RTN4: variants seen among roughly 807,000 people sequenced by gnomAD.
The protein encoded by RTN4 is reticulon 4, also known as reticulon-4.
In RTN4, 32 loss-of-function variants were observed where a neutral mutation model predicts 90.4. The observed-to-expected ratio is 0.35, with a 90% CI of 0.27 to 0.48. The LOEUF (loss-of-function observed/expected upper bound fraction) is 0.48. Ranked by LOEUF, RTN4 falls within the 20% of genes least tolerant of loss-of-function variation. The pLI, the probability that RTN4 is intolerant of heterozygous loss-of-function variation, is 0.99. For synonymous variants in RTN4, 629 were observed against 552.5 expected (o/e 1.14, Z -1.94); for missense variants, 1,706 against 1,430.2 (o/e 1.19, Z -3.11).
At chr2:55,003,575 T>C (rs1435325255) in intron 3 of RTN4, among the ~76,000 whole-genome samples, 1 of 152,096 alleles carries the variant, frequency 6.6e-6, no homozygotes, top group Non-Finnish European at 1.5e-5. Context: ...CAAAGAAAAG[T>C]ATTGCCTAAA....
At chr2:54,991,655 G>A (rs10496036) in intron 3 of RTN4, among the ~76,000 whole-genome samples, 41,554 of 152,138 alleles carry the variant, frequency 0.27, 6,077 homozygotes, top group Non-Finnish European at 0.33. Context: ...AACCGATGAA[G>A]TTTTACTACT....
intron 1 of RTN4, among the ~76,000 whole-genome samples, chr2:55,086,403 G>A (rs991820051): frequency 6.6e-6 from 1 of 151,978 alleles, no homozygotes; most frequent in African/African-American, 2.4e-5. Flanking sequence ...GCTCGCACCT[G>A]TAATCCCAGA....
intron 3 of RTN4, among the ~76,000 whole-genome samples, chr2:55,006,680 G>A (rs932684314): frequency 5.9e-5 from 9 of 152,090 alleles, no homozygotes; most frequent in Non-Finnish European, 8.8e-5. Flanking sequence ...AAAGAGTACT[G>A]TAACAATAAA....
chr2:55,116,169 TCCTCCCGCCTGG>T (rs554724600), upstream of RTN4, among the ~76,000 whole-genome samples: 65 of 139,674 alleles, frequency 4.7e-4, no homozygotes, highest in Admixed American at 4.5e-3. Flanking sequence ...CCTCAAGCTA[TCCTCCCGCCTGG>T]CCTCCCAAAG....
intron 5 of RTN4, among the ~76,000 whole-genome samples, chr2:54,978,944 T>C (rs1353550576): frequency 6.6e-6 from 1 of 152,196 alleles, no homozygotes; most frequent in African/African-American, 2.4e-5. Context: ...AAACATTTTT[T>C]GCTTGCTTTA....
At position 55,026,141 on chromosome 2, in the gene RTN4, G is replaced by C; in HGVS notation, c.1958C>G (p.Pro653Arg). ...SVNYESIKHE[P>R]ENPPPYEEAM... The stretch of plus-strand genomic sequence containing the variant: ...CTCTTCATATGGTGGGGGGTTTTCA[G>C]GCTCATGTTTTATGCTTTCATAATT... The change falls in exon 3 of 9, where the codon CCT becomes CGT. Residue 653 changes from proline to arginine, a missense_variant. Physicochemically the swap from Pro to Arg is moderately radical, Grantham distance 103. Transcript: ENST00000337526. 6.2e-7 allele frequency: 1 copy of C among 1,613,370 alleles called. No individual in the cohort carries two copies. Among genetic ancestry groups the C allele is most frequent in the South Asian group, 1.1e-5 (1 of 91,056 alleles).
the RTN4 span, among the ~76,000 whole-genome samples, chr2:55,118,311 A>G: frequency 6.6e-6 from 1 of 152,166 alleles, no homozygotes; most frequent in East Asian, 1.9e-4. Flanking sequence ...CAAATATTTT[A>G]AAAATTAGCC....
chr2:55,110,029 C>A (rs1668008305), intron 1 of RTN4, among the ~76,000 whole-genome samples: 1 of 152,148 alleles, frequency 6.6e-6, no homozygotes, highest in African/African-American at 2.4e-5. Context: ...AATCTCAGGG[C>A]TGGGCGTGGT....
At chr2:55,125,108 TA>T in the RTN4 span, among the ~76,000 whole-genome samples, 2 of 152,024 alleles carry the variant, frequency 1.3e-5, no homozygotes, top group African/African-American at 4.8e-5. Context: ...AAAATTCAAC[TA>T]AAGATGAATT....
intron 3 of RTN4, among the ~76,000 whole-genome samples, chr2:54,990,105 T>C (rs1678884820): frequency 6.6e-6 from 1 of 152,232 alleles, no homozygotes; most frequent in Non-Finnish European, 1.5e-5. Context: ...GGAAAGTCAC[T>C]AAAGTCCTCT....
At chr2:55,022,930 C>CA (rs1036253097) in intron 3 of RTN4, among the ~76,000 whole-genome samples, 51 of 150,312 alleles carry the variant, frequency 3.4e-4, no homozygotes, top group African/African-American at 1.0e-3. Context: ...CACACACACA[C>CA]CCTGCTCTCC....
In RTN4 at chr2:55,077,986, C is replaced by A. The variant is rs2972069; in HGVS notation, c.-63+2503G>T. ...GGATGCAAAGGCATAAGAATGATAC[C>A]ATGGACGTTTGGGGACTTTGGGGAC... On this transcript the variant is annotated intron_variant, in intron 2 of 3. Coordinates refer to the RTN4 transcript ENST00000427710. Among the ~76,000 whole-genome samples, 7 of 151,520 alleles carry A rather than the reference C, an allele frequency of 4.6e-5. No individual in the cohort carries two copies. The East Asian group carries it at 7.8e-4, about 17-fold the overall frequency.
chr2:55,080,524 T>G (rs1668691343), exon 2 of RTN4: 1 of 152,238 alleles, frequency 6.6e-6, no homozygotes, highest in Non-Finnish European at 1.5e-5. Flanking sequence ...TTCATCATAT[T>G]TCTCTCCATA....
intron 3 of RTN4, among the ~76,000 whole-genome samples, chr2:55,007,975 C>A (rs1276284353): frequency 6.6e-6 from 1 of 152,022 alleles, no homozygotes; most frequent in East Asian, 1.9e-4. Context: ...CTTTTGACTA[C>A]CTTAATCAAA....
intron 1 of RTN4, among the ~76,000 whole-genome samples, chr2:55,037,233 C>G (rs1399490987): frequency 6.6e-6 from 1 of 152,156 alleles, no homozygotes; most frequent in East Asian, 1.9e-4. Context: ...TACAGATGAT[C>G]TAAACAACAG....
In RTN4 at chr2:55,026,972, A is replaced by G. The variant is rs768498445; in HGVS notation, c.1127T>C (p.Val376Ala). 15 of 1,613,344 alleles carry G rather than the reference A, an allele frequency of 9.3e-6. No homozygotes were observed. In the East Asian group the frequency reaches 3.1e-4, roughly 34 times the overall value. ...KDSFNEKRVA[V>A]EAPMREEYAD... ...ATATTCCTCCCTCATAGGAGCTTCC[A>G]CTGCAACTCTCTTTTCATTAAAACT... The change falls in exon 3 of 9, where the codon GTG becomes GCG. Residue 376 changes from valine (V) to alanine (A), a missense_variant. Val to Ala is a moderately conservative substitution (Grantham distance 64). Coordinates refer to ENST00000337526, the MANE Select transcript of RTN4 (RefSeq NM_020532.5).
chr2:55,086,986 C>T (rs1350076121), intron 1 of RTN4, among the ~76,000 whole-genome samples: 1 of 152,042 alleles, frequency 6.6e-6, no homozygotes, highest in Non-Finnish European at 1.5e-5. Context: ...TAAATGGAAT[C>T]CTACTGTATG....
At chr2:55,077,129 C>G (rs1668617275) in intron 2 of RTN4, among the ~76,000 whole-genome samples, 1 of 151,926 alleles carries the variant, frequency 6.6e-6, no homozygotes, top group African/African-American at 2.4e-5. Flanking sequence ...TCTCCTGCCT[C>G]AGCCTCCCGA....
At chr2:55,040,865 C>A (rs1423611883) in intron 1 of RTN4, among the ~76,000 whole-genome samples, 1 of 151,710 alleles carries the variant, frequency 6.6e-6, no homozygotes, top group African/African-American at 2.4e-5. Context: ...TAAGCAGCAA[C>A]TCCAAACTCT....
Sources: allele counts gnomAD v4.1 joint callset (sites outside exome capture counted in the v4.1 genomes callset), GRCh38; gene constraint gnomAD v4.1.1; transcripts MANE v1.5; gene names NCBI Gene and HGNC (gene_info 2026-07-23, HGNC 2026-07-21).